The following SYNCRIP variants were observed in gnomAD, a reference collection of about 807,000 sequenced individuals.
The protein encoded by SYNCRIP is synaptotagmin binding cytoplasmic RNA interacting protein.
In SYNCRIP, 9 loss-of-function variants were observed where a neutral mutation model predicts 68.9. That is an observed-to-expected ratio of 0.13 (90% CI 0.08 to 0.23). SYNCRIP has a LOEUF of 0.23. Ranked by LOEUF, SYNCRIP falls within the 10% of genes least tolerant of loss-of-function variation. The pLI, the probability that SYNCRIP is intolerant of heterozygous loss-of-function variation, is 1.00. For missense variants in SYNCRIP, 414 were observed against 770.6 expected (o/e 0.54, Z 5.48); for synonymous variants, 258 against 254.0 (o/e 1.02, Z -0.15).
At chr6:85,633,808 C>T (rs531388444) in intron 6 of SYNCRIP, among the ~76,000 whole-genome samples, 1 of 152,202 alleles carries the variant, frequency 6.6e-6, no homozygotes, top group South Asian at 2.1e-4. Flanking sequence ...CCTGGCTAAT[C>T]TGTTACTTTT....
In SYNCRIP at chr6:85,641,028, C is replaced by G. The variant is rs552662678; in HGVS notation, c.148+264G>C. 2.6e-5 allele frequency among the ~76,000 whole-genome samples: 4 copies of G among 152,308 alleles called. No homozygotes were observed. The South Asian group carries it at 8.3e-4, about 32-fold the overall frequency. Reference sequence around the variant, plus strand: ...ACTCAAAAAAGTCACATGGCCTGTTCCCAACATTTAGCAGCTGTTGCTACT... The same window carrying G: ...ACTCAAAAAAGTCACATGGCCTGTTGCCAACATTTAGCAGCTGTTGCTACT... On this transcript the variant is annotated intron_variant, in intron 2 of 10. Transcript: ENST00000369622.
At chr6:85,619,535 TAAA>T (rs59858604) in intron 8 of SYNCRIP, 118 bp from the exon 9 acceptor site, 18 of 718,398 alleles carry the variant, frequency 2.5e-5, no homozygotes, top group African/African-American at 1.4e-4. Context: ...TGTCAGAATA[TAAA>T]AAAAAAAAAA....
At chr6:85,626,555 C>T (rs996917492) in intron 6 of SYNCRIP, among the ~76,000 whole-genome samples, 2 of 152,074 alleles carry the variant, frequency 1.3e-5, no homozygotes, top group African/African-American at 4.8e-5. Context: ...CTAACAGAAA[C>T]TTGAATTCTT....
chr6:85,609,140 ATAAT>A (rs745905261), downstream of SYNCRIP: 4 of 152,114 alleles, frequency 2.6e-5, no homozygotes, highest in South Asian at 4.1e-4. Context: ...TGTGGTATAC[ATAAT>A]TAGAGAGAAA....
In SYNCRIP at chr6:85,633,188, A is replaced by G. The variant is rs544987014; in HGVS notation, c.666+3779T>C. On this transcript the variant is annotated intron_variant, in intron 6 of 10. Transcript: ENST00000369622. The stretch of plus-strand genomic sequence containing the variant: ...GGAGAATGGCGTGAACCCGGGAGGC[A>G]GAGCTTGCAGTGAGCCGAGATTGCA... Among the ~76,000 whole-genome samples, 1,052 of 151,872 alleles carry G rather than the reference A, an allele frequency of 6.9e-3. 11 individuals are homozygous for G. The highest frequency in any genetic ancestry group is 0.024 in the African/African-American group (980 of 41,416).
chr6:85,624,223 T>C (rs1014054624), intron 6 of SYNCRIP, 111 bp from the exon 7 acceptor site: 12 of 1,051,222 alleles, frequency 1.1e-5, no homozygotes, highest in African/African-American at 1.6e-5. Flanking sequence ...TTTACCTTAA[T>C]TCCCATACAA....
At position 85,615,186 on chromosome 6, in the gene SYNCRIP, T is replaced by C; in HGVS notation, c.1442A>G (p.Tyr481Cys). 2 of 1,612,464 alleles carry C rather than the reference T, an allele frequency of 1.2e-6. No homozygotes were observed. The highest frequency in any genetic ancestry group is 1.7e-6 in the Non-Finnish European group (2 of 1,179,424). ...GYDYHNYRGG[Y>C]EDPYYGYEDF... ...TTCATAACCATAGTATGGATCTTCA[T>C]ATCCACCACGATAGTTATGGTAATC... Residue 481 changes from tyrosine (Y) to cysteine (C), a missense_variant, in exon 11 of 11, where the codon TAT (tyrosine) becomes TGT (cysteine). Tyr to Cys is a radical substitution (Grantham distance 194). Around this residue, in one of 6 missense-constraint regions of SYNCRIP, gnomAD observed 72 missense variants for 119.8 expected, o/e 0.60. Coordinates refer to ENST00000369622, the MANE Select transcript of SYNCRIP (RefSeq NM_006372.5).
Position 85,614,278 on chromosome 6 carries a change from G to T in SYNCRIP, c.*478C>A. ...CATAAAGAATACAAGTAGCCAAAATGGTTTTGAAAACCCAAATTAGGTCAA... is the reference window on the plus strand; with the variant it reads ...CATAAAGAATACAAGTAGCCAAAATTGTTTTGAAAACCCAAATTAGGTCAA... On this transcript the variant is annotated 3_prime_UTR_variant, in exon 11 of 11. Coordinates refer to ENST00000369622, the MANE Select transcript of SYNCRIP (RefSeq NM_006372.5). 1 of 985,728 alleles carries T rather than the reference G, an allele frequency of 1.0e-6. No individual in the cohort carries two copies. Among genetic ancestry groups the T allele is most frequent in the Non-Finnish European group, 1.2e-6 (1 of 829,814 alleles). 61.1% of individuals were successfully genotyped at this position (985,728 alleles called of 1,614,324 possible).
intron 6 of SYNCRIP, among the ~76,000 whole-genome samples, chr6:85,628,794 G>A (rs1412301053): frequency 6.6e-6 from 1 of 152,114 alleles, no homozygotes; most frequent in Non-Finnish European, 1.5e-5. Flanking sequence ...TTCTATCTCA[G>A]GCTATCAAAA....
At chr6:85,618,138 C>A (rs1031971889) in intron 10 of SYNCRIP, among the ~76,000 whole-genome samples, 2 of 152,062 alleles carry the variant, frequency 1.3e-5, no homozygotes, top group African/African-American at 4.8e-5. Flanking sequence ...TTAGTATTTC[C>A]TATCTCTCAG....
chr6:85,637,576 T>C (rs1452837465), intron 4 of SYNCRIP, among the ~76,000 whole-genome samples: 1 of 152,266 alleles, frequency 6.6e-6, no homozygotes, highest in East Asian at 1.9e-4. Flanking sequence ...AATTACTTTC[T>C]AGTCTCCACT....
chr6:85,620,345 T>C (rs1317993242), intron 8 of SYNCRIP, among the ~76,000 whole-genome samples: 1 of 152,160 alleles, frequency 6.6e-6, no homozygotes, highest in Non-Finnish European at 1.5e-5. Flanking sequence ...ATATTATAAC[T>C]GATAGAAACT....
At chr6:85,626,619 G>C (rs2842603) in intron 6 of SYNCRIP, among the ~76,000 whole-genome samples, 57,433 of 152,032 alleles carry the variant, frequency 0.38, 11,179 homozygotes, top group East Asian at 0.61. Context: ...TATAAGAAAT[G>C]TAGGAGGCAA....
intron 6 of SYNCRIP, among the ~76,000 whole-genome samples, chr6:85,628,010 C>CTG (rs1807255535): frequency 1.3e-5 from 2 of 152,078 alleles, no homozygotes; most frequent in Admixed American, 1.3e-4. Flanking sequence ...AGTCCTAACT[C>CTG]TTCTCAGCAA....
chr6:85,635,813 T>C (rs967688965), intron 6 of SYNCRIP, among the ~76,000 whole-genome samples: 2 of 150,056 alleles, frequency 1.3e-5, no homozygotes, highest in Non-Finnish European at 3.0e-5. Context: ...GGAAGACTTA[T>C]GAGTTTTATT....
chr6:85,635,774 C>CAAA (rs58599854), intron 6 of SYNCRIP, among the ~76,000 whole-genome samples: 961 of 78,708 alleles, frequency 0.012, 15 homozygotes, highest in African/African-American at 0.029. Context: ...TTCTATCTCC[C>CAAA]AAAAAAAAAA....
rs555721231 is a variant in SYNCRIP, at chr6:85,631,145, C to T, written c.666+5822G>A. Among the ~76,000 whole-genome samples, 9 of 152,216 alleles carry T rather than the reference C, an allele frequency of 5.9e-5. 1 individual carries two copies. Among genetic ancestry groups the T allele is most frequent in the South Asian group, 2.1e-4 (1 of 4,816 alleles). ...ATCACTTGGGGTCAGGAGTTCGAGACCAGCCTGGCCAACATGGCAAAACGC... is the reference window on the plus strand; with the variant it reads ...ATCACTTGGGGTCAGGAGTTCGAGATCAGCCTGGCCAACATGGCAAAACGC... On this transcript the variant is annotated intron_variant, in intron 6 of 10. Transcript: ENST00000369622.
chr6:85,612,978 G>A (rs1805360394), downstream of SYNCRIP: 1 of 1,523,536 alleles, frequency 6.6e-7, no homozygotes, highest in Non-Finnish European at 8.9e-7. Context: ...TTAATAATGT[G>A]TACATACATA....
intron 6 of SYNCRIP, among the ~76,000 whole-genome samples, chr6:85,624,950 A>G (rs1483745021): frequency 1.3e-5 from 2 of 152,184 alleles, no homozygotes; most frequent in African/African-American, 4.8e-5. Flanking sequence ...CCTAACCTCA[A>G]AATCTATTCT....
Sources: gnomAD v4.1 joint callset for allele counts (sites outside exome capture counted in the v4.1 genomes callset) on GRCh38, gnomAD v4.1.1 for gene constraint, gnomAD v4.1.1 regional missense constraint, MANE v1.5 for transcripts, NCBI Gene and HGNC (gene_info 2026-07-23, HGNC 2026-07-21) for gene names.